The following SNX29 variants were observed in gnomAD, a reference collection of about 807,000 sequenced individuals.
SNX29 encodes the protein sorting nexin-29.
A neutral mutation model predicts 102.1 loss-of-function variants in SNX29; 78 were observed. That is an observed-to-expected ratio of 0.76 (90% CI 0.64 to 0.92). The LOEUF (loss-of-function observed/expected upper bound fraction) is 0.92, where lower values mean the gene tolerates loss of function less well. Ranked by LOEUF, SNX29 falls within the 40% of genes least tolerant of loss-of-function variation. SNX29 has a pLI of 0.00. For missense variants in SNX29, 1,280 were observed against 1,061.7 expected, an observed-to-expected ratio of 1.21 and a Z score of -2.86; for synonymous variants, 580 against 414.5, an observed-to-expected ratio of 1.40 and a Z score of -4.85.
chr16:12,564,685 T>C (rs1463063513), intron 20 of SNX29, among the ~76,000 whole-genome samples: 5 of 152,194 alleles, frequency 3.3e-5, no homozygotes, highest in Admixed American at 2.0e-4. Context: ...CATTCCTCTG[T>C]TGCTTAGGCC....
At chr16:12,312,715 A>T (rs1427663635) in intron 15 of SNX29, among the ~76,000 whole-genome samples, 1 of 151,802 alleles carries the variant, frequency 6.6e-6, no homozygotes, top group Non-Finnish European at 1.5e-5. Flanking sequence ...AAGTGGTCCT[A>T]TTGCTTAAAC....
intron 19 of SNX29, among the ~76,000 whole-genome samples, chr16:12,482,952 C>T (rs1453057842): frequency 6.6e-6 from 1 of 152,104 alleles, no homozygotes; most frequent in African/African-American, 2.4e-5. Context: ...TATATATTCA[C>T]AGGATACCCA....
At position 12,453,548 on chromosome 16, in the gene SNX29, A is replaced by ATTTT. The variant is rs879538406; in HGVS notation, c.2038-24160_2038-24157dup. On this transcript the variant is annotated intron_variant, in intron 18 of 20. Coordinates refer to ENST00000566228, the MANE Select transcript of SNX29 (RefSeq NM_032167.5). The stretch of plus-strand genomic sequence containing the variant: ...GTCCAGCTGGAGTAAGGGCTCAGTA[A>ATTTT]TTTTTTTTTTTTTTAAGAAATGGGG... 2.0e-5 allele frequency among the ~76,000 whole-genome samples: 3 copies of ATTTT among 146,492 alleles called. No homozygotes were observed. In the Admixed American group the frequency reaches 2.0e-4, roughly 10 times the overall value.
chr16:12,317,790 C>G (rs746691470), intron 15 of SNX29, among the ~76,000 whole-genome samples: 1 of 152,190 alleles, frequency 6.6e-6, no homozygotes, highest in African/African-American at 2.4e-5. Context: ...GTTCCCTAAC[C>G]TCTCCAAGCC....
chr16:12,561,283 G>C (rs747792451), intron 20 of SNX29: 1 of 230,482 alleles, frequency 4.3e-6, no homozygotes, highest in Non-Finnish European at 8.6e-6. Context: ...AAGACACAGG[G>C]AGAACATTCT....
intron 14 of SNX29, among the ~76,000 whole-genome samples, chr16:12,228,767 C>G (rs1324091294): frequency 6.6e-6 from 1 of 152,212 alleles, no homozygotes; most frequent in Non-Finnish European, 1.5e-5. Context: ...TGACCAAAGT[C>G]ACCGTCTCTT....
At position 12,570,227 on chromosome 16, in the gene SNX29, T is replaced by TGCC. The variant is rs2079157930; in HGVS notation, c.*1599_*1601dup. 1 of 1,065,022 alleles carries TGCC rather than the reference T, an allele frequency of 9.4e-7. No homozygotes were observed. Among genetic ancestry groups the TGCC allele is most frequent in the African/African-American group, 1.6e-5 (1 of 61,038 alleles). The allele number at this position is 1,065,022 out of a possible 1,614,324, so 66.0% of individuals were successfully genotyped here. A position where few individuals can be genotyped will look rare whatever the true frequency, so the allele number is the denominator to read the frequency against. ...AGGGGACCTGGGGCCAGATAAGCCC[T>TGCC]GCCCCGGTGAGACCAAATGAGCTGG... is the stretch of plus-strand genomic sequence containing the variant. On this transcript the variant is annotated 3_prime_UTR_variant, in exon 21 of 21. Coordinates refer to ENST00000566228, the MANE Select transcript of SNX29 (RefSeq NM_032167.5).
rs71139598 is a variant in SNX29 at position 12,483,114 on chromosome 16, G to GTTTTTGTTTTTTTT, written c.2178+5260_2178+5261insGTTTTTTTTTTTTT. ...AATAGATACATATTGAAGTTATTAAGTTTTTTTTTTTTTTTTTTTTTTTTT... is the reference window on the plus strand; with the variant it reads ...AATAGATACATATTGAAGTTATTAAGTTTTTGTTTTTTTTTTTTTTTTTTTTTTTTTTTTTTTTT... On this transcript the variant is annotated intron_variant, in intron 19 of 20. Coordinates refer to ENST00000566228, the MANE Select transcript of SNX29 (RefSeq NM_032167.5). 3.6e-3 allele frequency among the ~76,000 whole-genome samples: 238 copies of GTTTTTGTTTTTTTT among 66,218 alleles called. 32 individuals carry two copies. Among genetic ancestry groups the GTTTTTGTTTTTTTT allele is most frequent in the Middle Eastern group, 0.024 (2 of 82 alleles). The allele number at this position is 66,218 out of a possible 152,430, so 43.4% of individuals were successfully genotyped here. A position where few individuals can be genotyped will look rare whatever the true frequency, so the allele number is the denominator to read the frequency against.
At chr16:12,207,515 C>G (rs994717185) in intron 14 of SNX29, among the ~76,000 whole-genome samples, 4 of 152,176 alleles carry the variant, frequency 2.6e-5, no homozygotes, top group African/African-American at 7.2e-5. Context: ...ATTTCATCTC[C>G]GTTCCCGACC....
intron 14 of SNX29, among the ~76,000 whole-genome samples, chr16:12,221,172 G>A (rs1238814445): frequency 6.6e-6 from 1 of 151,676 alleles, no homozygotes; most frequent in Non-Finnish European, 1.5e-5. Context: ...GTAATCTCTG[G>A]TACTTCTGAA....
At chr16:12,431,972 A>C (rs1002752092) in intron 18 of SNX29, among the ~76,000 whole-genome samples, 7 of 152,368 alleles carry the variant, frequency 4.6e-5, no homozygotes, top group South Asian at 2.1e-4. Context: ...GGATATACTC[A>C]GGAGGCCAGA....
At chr16:12,558,836 C>T (rs1366455863) in intron 20 of SNX29, among the ~76,000 whole-genome samples, 2 of 152,170 alleles carry the variant, frequency 1.3e-5, no homozygotes, top group African/African-American at 4.8e-5. Context: ...CCACAGTCAC[C>T]AAGAGCCACA....
intron 16 of SNX29, among the ~76,000 whole-genome samples, chr16:12,391,175 G>A (rs897425846): frequency 1.3e-5 from 2 of 151,978 alleles, no homozygotes; most frequent in African/African-American, 4.8e-5. Flanking sequence ...TAGACTCCTG[G>A]GCCCAAGCGA....
At position 12,250,557 on chromosome 16, in the gene SNX29, G is replaced by A. The variant is rs185145977; in HGVS notation, c.1679-27376G>A. ...ACTTACCTCTCACTTGCTCCACTGG[G>A]TACTGGCTCGAAGCACAATGCAGAG... On this transcript the variant is annotated intron_variant, in intron 14 of 20. Coordinates refer to ENST00000566228, the MANE Select transcript of SNX29 (RefSeq NM_032167.5). Among the ~76,000 whole-genome samples the A allele has an allele frequency of 2.2e-3, 336 of 152,346 alleles. 3 individuals are homozygous for A. The highest frequency in any genetic ancestry group is 7.2e-4 in the Non-Finnish European group (49 of 68,042).
At chr16:12,060,977 A>G in intron 8 of SNX29, 1 of 416,540 alleles carries the variant, frequency 2.4e-6, no homozygotes, top group Non-Finnish European at 4.8e-6. Context: ...GAGGCGGAGC[A>G]ACGCTAGCCC....
In SNX29 at chr16:12,572,342, T is replaced by G; in HGVS notation, c.*3713T>G. The G allele has an allele frequency of 9.4e-7, 1 of 1,063,344 alleles. No homozygotes were observed. Among genetic ancestry groups the G allele is most frequent in the South Asian group, 4.6e-5 (1 of 21,974 alleles). The allele number at this position is 1,063,344 out of a possible 1,614,324, so 65.9% of individuals were successfully genotyped here. A position where few individuals can be genotyped will look rare whatever the true frequency, so the allele number is the denominator to read the frequency against. On this transcript the variant is annotated 3_prime_UTR_variant, in exon 21 of 21. Coordinates refer to ENST00000566228, the MANE Select transcript of SNX29 (RefSeq NM_032167.5). ...CAGGAGTGAAGCCCACCAGCCTGCC[T>G]GGTTGATGGACAGCAGGCTCTGCCT...
intron 20 of SNX29, among the ~76,000 whole-genome samples, chr16:12,564,664 T>C (rs1304244645): frequency 5.3e-5 from 8 of 152,134 alleles, no homozygotes; most frequent in Non-Finnish European, 1.2e-4. Flanking sequence ...ATGGAACATA[T>C]CTTGTCCACA....
At chr16:12,153,780 T>G (rs2055409392) in intron 13 of SNX29, among the ~76,000 whole-genome samples, 1 of 152,072 alleles carries the variant, frequency 6.6e-6, no homozygotes, top group Admixed American at 6.6e-5. Flanking sequence ...GCACAGCCAC[T>G]CCTCCTAATC....
At chr16:12,045,610 A>AT (rs2050054355) in intron 5 of SNX29, among the ~76,000 whole-genome samples, 2 of 127,294 alleles carry the variant, frequency 1.6e-5, no homozygotes, top group African/African-American at 2.8e-5. Context: ...GGCAGGCATT[A>AT]TATTATTATT....
Sources: allele counts gnomAD v4.1 joint callset (sites outside exome capture counted in the v4.1 genomes callset), GRCh38; gene constraint gnomAD v4.1.1; transcripts MANE v1.5; gene names NCBI Gene and HGNC (gene_info 2026-07-23, HGNC 2026-07-21).